Variants in SLC9A9 observed in about 807,000 individuals in gnomAD.
SLC9A9 encodes the protein solute carrier family 9 member A9.
Under a neutral mutation model 77.8 loss-of-function variants are expected in SLC9A9, and 62 were observed. The observed-to-expected ratio is 0.80, with a 90% CI of 0.65 to 0.98. The LOEUF is 0.98. Ranked by LOEUF, SLC9A9 falls within the 50% of genes least tolerant of loss-of-function variation. The pLI, the probability that SLC9A9 is intolerant of heterozygous loss-of-function variation, is 0.00. For synonymous variants in SLC9A9, 320 were observed against 283.5 expected (o/e 1.13, Z -1.29); for missense variants, 775 against 774.9 (o/e 1.00, Z 0.00).
intron 8 of SLC9A9, among the ~76,000 whole-genome samples, chr3:143,565,679 G>T (rs1029878355): frequency 6.6e-6 from 1 of 151,648 alleles, no homozygotes; most frequent in Non-Finnish European, 1.5e-5. Flanking sequence ...TATTTCTGCA[G>T]CTTGAACGCC....
chr3:143,554,330 C>T (rs776746729), intron 8 of SLC9A9, among the ~76,000 whole-genome samples: 16 of 152,286 alleles, frequency 1.1e-4, no homozygotes, highest in Admixed American at 2.0e-4. Context: ...GATTAAGCAG[C>T]CTCTCCCACT....
intron 5 of SLC9A9, among the ~76,000 whole-genome samples, chr3:143,690,851 G>A (rs1430830903): frequency 6.6e-6 from 1 of 152,032 alleles, no homozygotes; most frequent in African/African-American, 2.4e-5. Context: ...TAATTGAACT[G>A]GAAAACTACT....
At chr3:143,390,691 C>T (rs1344587290) in intron 12 of SLC9A9, among the ~76,000 whole-genome samples, 1 of 152,224 alleles carries the variant, frequency 6.6e-6, no homozygotes, top group African/African-American at 2.4e-5. Flanking sequence ...CAGAGAATTC[C>T]ATTTCCTAGT....
chr3:143,599,546 GC>G (rs2037811058), intron 6 of SLC9A9, among the ~76,000 whole-genome samples: 1 of 151,940 alleles, frequency 6.6e-6, no homozygotes, highest in Non-Finnish European at 1.5e-5. Flanking sequence ...CACAACAATT[GC>G]CTGTGTTTGA....
chr3:143,387,468 G>A (rs547186693), intron 12 of SLC9A9, among the ~76,000 whole-genome samples: 2 of 152,154 alleles, frequency 1.3e-5, no homozygotes, highest in Non-Finnish European at 2.9e-5. Flanking sequence ...GAATTAGAAA[G>A]CAACTAAAAA....
chr3:143,712,546 T>A (rs1024923453), intron 4 of SLC9A9, among the ~76,000 whole-genome samples: 22 of 150,862 alleles, frequency 1.5e-4, no homozygotes, highest in African/African-American at 5.2e-4. Context: ...TTCTAGCTCT[T>A]TGACCCTAGG....
At chr3:143,751,486 A>G (rs138177411) in intron 4 of SLC9A9, among the ~76,000 whole-genome samples, 411 of 152,146 alleles carry the variant, frequency 2.7e-3, no homozygotes, top group African/African-American at 9.5e-3. Flanking sequence ...ACATATGAAG[A>G]CCTGGTCTCC....
At chr3:143,442,494 G>A (rs1290227864) in intron 12 of SLC9A9, among the ~76,000 whole-genome samples, 1 of 152,158 alleles carries the variant, frequency 6.6e-6, no homozygotes, top group African/African-American at 2.4e-5. Flanking sequence ...GGCTGAGGCG[G>A]GTAGATCACC....
intron 12 of SLC9A9, among the ~76,000 whole-genome samples, chr3:143,466,253 GTA>G (rs2035278420): frequency 6.6e-6 from 1 of 152,198 alleles, no homozygotes; most frequent in Non-Finnish European, 1.5e-5. Flanking sequence ...TCATCAAAAT[GTA>G]TAGATTTGAT....
At chr3:143,532,687 C>T (rs2036530161) in intron 9 of SLC9A9, among the ~76,000 whole-genome samples, 2 of 152,180 alleles carry the variant, frequency 1.3e-5, no homozygotes, top group South Asian at 4.1e-4. Context: ...TAAAATGTAG[C>T]CGACATGGGC....
At chr3:143,803,953 G>A (rs866617806) in intron 2 of SLC9A9, among the ~76,000 whole-genome samples, 15 of 152,130 alleles carry the variant, frequency 9.9e-5, no homozygotes, top group East Asian at 7.7e-4. Flanking sequence ...GCAAGCTGCC[G>A]TCCTCCTCCA....
intron 14 of SLC9A9, among the ~76,000 whole-genome samples, chr3:143,306,699 C>T (rs1027952827): frequency 2.0e-5 from 3 of 152,120 alleles, no homozygotes; most frequent in Non-Finnish European, 4.4e-5. Context: ...CTGATCTCCC[C>T]GCTTGCCCTC....
At chr3:143,317,179 T>C (rs928712111) in intron 14 of SLC9A9, among the ~76,000 whole-genome samples, 4 of 152,086 alleles carry the variant, frequency 2.6e-5, no homozygotes, top group Admixed American at 1.3e-4. Context: ...TTAAAAACAC[T>C]AATTATCTGG....
At chr3:143,503,397 T>C in intron 9 of SLC9A9, 1 of 310,292 alleles carries the variant, frequency 3.2e-6, no homozygotes, top group Non-Finnish European at 6.3e-6. Context: ...GCATCAAAAG[T>C]GGAAGAATGA....
intron 4 of SLC9A9, among the ~76,000 whole-genome samples, chr3:143,792,336 T>C (rs2008248905): frequency 6.6e-6 from 1 of 152,224 alleles, no homozygotes; most frequent in Admixed American, 6.5e-5. Flanking sequence ...ATGTGCCCTC[T>C]TCTTCAGAAG....
chr3:143,811,626 A>G (rs901476502), intron 2 of SLC9A9: 2 of 452,456 alleles, frequency 4.4e-6, no homozygotes, highest in South Asian at 3.1e-5. Context: ...TGGGTGGATC[A>G]TTTGAGGCCA....
chr3:143,797,474 T>A (rs1454908540), intron 2 of SLC9A9, among the ~76,000 whole-genome samples: 1 of 152,214 alleles, frequency 6.6e-6, no homozygotes, highest in Non-Finnish European at 1.5e-5. Context: ...AGCTAAGCCA[T>A]CATATCCCCT....
rs573036017 is a variant in SLC9A9, at chr3:143,638,264, T to C, written c.755+13991A>G. Among the ~76,000 whole-genome samples the C allele has an allele frequency of 2.6e-5, 4 of 152,352 alleles. No individual in the cohort carries two copies. The East Asian group carries it at 7.7e-4, about 29-fold the overall frequency. On this transcript the variant is annotated intron_variant, in intron 6 of 15. Coordinates refer to ENST00000316549, the MANE Select transcript of SLC9A9 (RefSeq NM_173653.4). ...AATGTCATTAGATCAAATTTGACCATTTAACTGCCATTCTGAAAATAAGCC... is the reference window on the plus strand; with the variant it reads ...AATGTCATTAGATCAAATTTGACCACTTAACTGCCATTCTGAAAATAAGCC...
chr3:143,455,769 A>G (rs7632231), intron 12 of SLC9A9, among the ~76,000 whole-genome samples: 2,048 of 151,086 alleles, frequency 0.014, 50 homozygotes, highest in African/African-American at 0.046. Context: ...CATGTATCCT[A>G]CAACCTAAAA....
Sources: allele counts gnomAD v4.1 joint callset (sites outside exome capture counted in the v4.1 genomes callset), GRCh38; gene constraint gnomAD v4.1.1; transcripts MANE v1.5; gene names NCBI Gene and HGNC (gene_info 2026-07-23, HGNC 2026-07-21).